Variants in UNC79 observed in about 807,000 individuals in gnomAD.
UNC79 encodes unc-79 subunit of NALCN channel complex, also known as protein unc-79 homolog.
UNC79 carries 37 observed loss-of-function variants against 283.1 expected under a neutral mutation model. That is an observed-to-expected ratio of 0.13 (90% CI 0.10 to 0.17). The LOEUF (loss-of-function observed/expected upper bound fraction) is 0.17. UNC79 is among the 10% of genes least tolerant of loss of function. The probability of loss-of-function intolerance (pLI) is 1.00; values close to 1 mark genes in which losing one functional copy is unlikely to be tolerated. For synonymous variants in UNC79, 1,107 were observed against 1,200.2 expected (o/e 0.92, Z 1.61); for missense variants, 2,272 against 3,211.1 (o/e 0.71, Z 7.07).
chr14:93,690,683 TG>T lies in UNC79; in HGVS notation c.7272+381del. The T allele has an allele frequency of 5.3e-6, 1 of 187,320 alleles. No homozygotes were observed. The highest frequency in any genetic ancestry group is 1.5e-4 in the East Asian group (1 of 6,632). The allele number at this position is 187,320 out of a possible 1,614,324, so 11.6% of individuals were successfully genotyped here. A position where few individuals can be genotyped will look rare whatever the true frequency, so the allele number is the denominator to read the frequency against. On this transcript the variant is annotated intron_variant, in intron 45 of 48. Coordinates refer to ENST00000555664, the Ensembl canonical transcript of UNC79. The surrounding 1 kb of genome is among the most constrained non-coding windows in gnomAD (Gnocchi z 4.3). ...AATTCATTCTCTATCTAATTCTTCA[TG>T]TACCATCTTTTCAACTGAAATCTCT...
chr14:93,601,934 A>G (rs1218471002), intron 25 of UNC79, among the ~76,000 whole-genome samples: 1 of 151,972 alleles, frequency 6.6e-6, no homozygotes, highest in Non-Finnish European at 1.5e-5. Flanking sequence ...TCCTTTGCCT[A>G]CTTTTTGATG....
intron 42 of UNC79, among the ~76,000 whole-genome samples, chr14:93,683,508 A>C (rs2074004517): frequency 6.6e-6 from 1 of 152,248 alleles, no homozygotes; most frequent in South Asian, 2.1e-4. Flanking sequence ...CCAAGGAAGA[A>C]GACAGACCTG....
intron 32 of UNC79, 61 bp from the exon 36 acceptor site, chr14:93,641,084 C>A (rs1009399091): frequency 1.9e-5 from 27 of 1,423,496 alleles, no homozygotes; most frequent in South Asian, 5.1e-5. Context: ...GAGAACCAGG[C>A]CTTTCTTGGC....
intron 47 of UNC79, among the ~76,000 whole-genome samples, chr14:93,698,775 C>T (rs1383551754): frequency 4.6e-5 from 7 of 152,020 alleles, no homozygotes; most frequent in Non-Finnish European, 8.8e-5. Context: ...CATAAGCCAC[C>T]GTGCTCAGGC....
intron 35 of UNC79, among the ~76,000 whole-genome samples, chr14:93,651,818 C>A (rs1249618066): frequency 1.3e-5 from 2 of 151,702 alleles, no homozygotes; most frequent in African/African-American, 4.8e-5. Flanking sequence ...CGGCTCACAG[C>A]AACCTCTGCC....
intron 26 of UNC79, chr14:93,604,927 T>G: frequency 6.3e-7 from 1 of 1,587,532 alleles, no homozygotes; most frequent in Non-Finnish European, 8.5e-7. Context: ...AGCAGTCTGC[T>G]CCAGCTCTCG....
At chr14:93,662,757 T>C in intron 40 of UNC79, 43 bp downstream of exon 43, 1 of 1,460,582 alleles carries the variant, frequency 6.8e-7, no homozygotes, top group South Asian at 1.2e-5. Context: ...AACTGAAAAC[T>C]GGCAGAAATA....
chr14:93,670,620 C>T (rs916480740), intron 40 of UNC79, among the ~76,000 whole-genome samples: 1 of 152,168 alleles, frequency 6.6e-6, no homozygotes, highest in Non-Finnish European at 1.5e-5. Flanking sequence ...CTCTCCAAAC[C>T]CTTTTCTTTT....
exon 5 of UNC79, chr14:93,487,667 C>T: frequency 1.2e-6 from 2 of 1,613,372 alleles, no homozygotes; most frequent in Non-Finnish European, 1.7e-6. Context: ...TTGCAGTGGG[C>T]TCCTCAAGGA....
At chr14:93,597,790 T>C (rs988962484) in intron 24 of UNC79, among the ~76,000 whole-genome samples, 6 of 152,302 alleles carry the variant, frequency 3.9e-5, no homozygotes, top group East Asian at 3.9e-4. Flanking sequence ...ATTAGGGCCC[T>C]GCCCTTATGA....
intron 14 of UNC79, among the ~76,000 whole-genome samples, chr14:93,564,960 G>A (rs1222195052): frequency 1.3e-5 from 2 of 152,200 alleles, no homozygotes; most frequent in Non-Finnish European, 2.9e-5. Context: ...CTTAGGCTCA[G>A]AGGCTTGACA....
chr14:93,594,819 T>C (rs1219101218), intron 23 of UNC79, among the ~76,000 whole-genome samples: 1 of 152,132 alleles, frequency 6.6e-6, no homozygotes, highest in African/African-American at 2.4e-5. Flanking sequence ...CATGCCACAG[T>C]GTGGCTTCTC....
At chr14:93,589,582 T>G (rs574816373) in intron 22 of UNC79, among the ~76,000 whole-genome samples, 275 of 152,164 alleles carry the variant, frequency 1.8e-3, no homozygotes, top group African/African-American at 6.5e-3. Flanking sequence ...GAGGCCCGCC[T>G]GAGGAGCAAG....
rs77154873 is a variant in UNC79, at chr14:93,618,570, A to G, written c.4387+216A>G. Among the ~76,000 whole-genome samples, 8 of 152,342 alleles carry G rather than the reference A, an allele frequency of 5.3e-5. No homozygotes were observed. The South Asian group carries it at 1.2e-3, about 24-fold the overall frequency. ...ATGATGTGCTTCCAAAGCCTGTATCATAAGAAATAATATTTTGTAAGATAT... is the reference window on the plus strand; with the variant it reads ...ATGATGTGCTTCCAAAGCCTGTATCGTAAGAAATAATATTTTGTAAGATAT... On this transcript the variant is annotated intron_variant, in intron 29 of 48. Coordinates refer to ENST00000555664, the Ensembl canonical transcript of UNC79.
At chr14:93,658,344 C>G (rs1015912925) in intron 38 of UNC79, among the ~76,000 whole-genome samples, 1 of 152,180 alleles carries the variant, frequency 6.6e-6, no homozygotes, top group Non-Finnish European at 1.5e-5. Flanking sequence ...TCTGATTCAG[C>G]AGGGGTAGGG....
At chr14:93,642,101 A>G (rs567748362) in intron 33 of UNC79, among the ~76,000 whole-genome samples, 1 of 152,226 alleles carries the variant, frequency 6.6e-6, no homozygotes, top group African/African-American at 2.4e-5. Flanking sequence ...GCAGCATGAG[A>G]ACAGACTAAT....
intron 14 of UNC79, among the ~76,000 whole-genome samples, chr14:93,554,352 C>CAAA (rs779847738): frequency 4.5e-4 from 34 of 76,386 alleles, no homozygotes; most frequent in African/African-American, 1.5e-3. Context: ...GACTCTGTCT[C>CAAA]AAAAAAAAAA....
chr14:93,681,559 C>T (rs575146471), intron 41 of UNC79, among the ~76,000 whole-genome samples: 28 of 152,284 alleles, frequency 1.8e-4, no homozygotes, highest in African/African-American at 1.4e-4. Flanking sequence ...TGACAGGGAC[C>T]GAGCCTGCTG....
At chr14:93,524,464 T>A (rs562109032) in intron 8 of UNC79, among the ~76,000 whole-genome samples, 23 of 152,362 alleles carry the variant, frequency 1.5e-4, no homozygotes, top group Admixed American at 3.9e-4. Context: ...TTAGCTCATA[T>A]TACAAATATG....
Sources: allele counts gnomAD v4.1 joint callset (sites outside exome capture counted in the v4.1 genomes callset), GRCh38; gene constraint gnomAD v4.1.1; non-coding constraint Gnocchi (gnomAD v3.1); transcripts MANE v1.5; gene names NCBI Gene and HGNC (gene_info 2026-07-23, HGNC 2026-07-21).